RMDN2: variants seen among roughly 807,000 people sequenced by gnomAD.
RMDN2 encodes regulator of microtubule dynamics 2.
A neutral mutation model predicts 52.8 loss-of-function variants in RMDN2; 61 were observed. The ratio of observed to expected loss-of-function variants is 1.16; its 90% CI spans 0.94 to 1.43. The LOEUF (loss-of-function observed/expected upper bound fraction) is 1.43. Ranked by LOEUF, RMDN2 falls within the 40% of genes most tolerant of loss-of-function variation. The probability of loss-of-function intolerance (pLI) is 0.00; values close to 1 mark genes in which losing one functional copy is unlikely to be tolerated. For synonymous variants in RMDN2, 180 were observed against 153.1 expected (o/e 1.18, Z -1.30); for missense variants, 592 against 475.3 (o/e 1.25, Z -2.28).
intron 2 of RMDN2, chr2:37,950,500 C>T: frequency 1.9e-6 from 3 of 1,612,546 alleles, no homozygotes. Context: ...TGACCTGTTC[C>T]ACCTCTACAG....
rs1217144958 is a variant in RMDN2 at position 37,929,745 on chromosome 2, A to T, written c.452+16A>T. 1.4e-6 allele frequency: 2 copies of T among 1,453,422 alleles called. No individual in the cohort carries two copies. Among genetic ancestry groups the T allele is most frequent in the Admixed American group, 5.6e-5 (2 of 35,870 alleles). The allele number at this position is 1,453,422 out of a possible 1,614,324, so 90.0% of individuals were successfully genotyped here. A position where few individuals can be genotyped will look rare whatever the true frequency, so the allele number is the denominator to read the frequency against. On this transcript the variant is annotated intron_variant, in intron 2 of 10. Coordinates refer to ENST00000354545, the MANE Select transcript of RMDN2 (RefSeq NM_001170791.3). ...GTGAAGGAGGGTAAGTTTCTTTAAG[A>T]TATTTCCTATGTTGAATTGGTTATT... is the stretch of plus-strand genomic sequence containing the variant.
chr2:37,969,007 C>G (rs1234064516), intron 2 of RMDN2, among the ~76,000 whole-genome samples: 1 of 149,728 alleles, frequency 6.7e-6, no homozygotes, highest in Non-Finnish European at 1.5e-5. Context: ...GATCCCTGTT[C>G]AAAGTAGGAA....
At chr2:37,932,538 C>T (rs1368043090) in intron 2 of RMDN2, among the ~76,000 whole-genome samples, 1 of 151,538 alleles carries the variant, frequency 6.6e-6, no homozygotes, top group Non-Finnish European at 1.5e-5. Flanking sequence ...TCCACAAAAC[C>T]GCCATTGTCA....
intron 10 of RMDN2, among the ~76,000 whole-genome samples, chr2:38,011,141 G>T (rs1431184151): frequency 2.0e-5 from 3 of 152,172 alleles, no homozygotes; most frequent in Non-Finnish European, 4.4e-5. Flanking sequence ...GTGACCATGG[G>T]TTGCCATCCT....
At chr2:37,933,690 C>T (rs2124904436) in intron 2 of RMDN2, among the ~76,000 whole-genome samples, 1 of 152,242 alleles carries the variant, frequency 6.6e-6, no homozygotes, top group Non-Finnish European at 1.5e-5. Flanking sequence ...GAGAATCAGG[C>T]AGGGAGGTTG....
At chr2:38,042,287 T>G (rs2125290058) in intron 10 of RMDN2, among the ~76,000 whole-genome samples, 1 of 152,216 alleles carries the variant, frequency 6.6e-6, no homozygotes, top group East Asian at 1.9e-4. Flanking sequence ...CGATCAGTAC[T>G]GATAAACCCT....
intron 2 of RMDN2, among the ~76,000 whole-genome samples, chr2:37,942,881 A>G (rs749072451): frequency 6.6e-6 from 1 of 152,248 alleles, no homozygotes; most frequent in Non-Finnish European, 1.5e-5. Flanking sequence ...AAATCTAGCA[A>G]GATGGTAAAG....
At position 38,065,694 on chromosome 2, in the gene RMDN2, T is replaced by C. The variant is rs34547744; in HGVS notation, c.1714-1288T>C. 6.2e-3 allele frequency among the ~76,000 whole-genome samples: 941 copies of C among 152,324 alleles called. 11 individuals are homozygous for C. The highest frequency in any genetic ancestry group is 0.024 in the Middle Eastern group (7 of 294). ...ACTTAGGTGATGCATGGCTATCAGA[T>C]GGACAGGCCATGTCCCAGGAAACTG... On this transcript the variant is annotated intron_variant, in intron 10 of 10. Coordinates refer to the RMDN2 transcript ENST00000234195.
Position 37,945,105 on chromosome 2 carries a change from A to T in RMDN2, c.452+15376A>T, listed in dbSNP as rs180674720. Among the ~76,000 whole-genome samples, 169 of 152,338 alleles carry T rather than the reference A, an allele frequency of 1.1e-3. 2 individuals are homozygous for T. The highest frequency in any genetic ancestry group is 4.0e-3 in the African/African-American group (165 of 41,572). On this transcript the variant is annotated intron_variant, in intron 2 of 10. Coordinates refer to ENST00000354545, the MANE Select transcript of RMDN2 (RefSeq NM_001170791.3). ...GTATCTGGTGACATGGAAACTGACA[A>T]TATAAAGTAGCATTGCTGCCCCTAA...
intron 10 of RMDN2, among the ~76,000 whole-genome samples, chr2:38,065,755 A>C (rs9341271): frequency 6.6e-4 from 101 of 152,210 alleles, no homozygotes; most frequent in Non-Finnish European, 1.4e-3. Flanking sequence ...CCAACAAGGA[A>C]CCTTGGTCCA....
In RMDN2 at chr2:38,004,181, A is replaced by G. The variant is rs751571593; in HGVS notation, c.1144A>G (p.Asn382Asp). The change falls in exon 10 of 11, where the codon AAT becomes GAT. Residue 382 changes from asparagine (N) to aspartate (D), a missense_variant. By Grantham distance (23) the Asn-to-Asp change is conservative (BLOSUM62 1). Transcript: ENST00000354545. ...EENQNALKFC[N>D]LALLLPTVTK... ...AAACCAGAATGCTTTGAAGTTCTGT[A>G]ATTTGGCTTTATTGCTTCCTACTGT... 1.2e-6 allele frequency: 2 copies of G among 1,613,818 alleles called. No individual in the cohort carries two copies. The highest frequency in any genetic ancestry group is 1.7e-6 in the Non-Finnish European group (2 of 1,179,856).
At chr2:37,951,703 C>T in intron 2 of RMDN2, 1 of 1,612,572 alleles carries the variant, frequency 6.2e-7, no homozygotes, top group Non-Finnish European at 8.5e-7. Context: ...GAAATCTTTT[C>T]TAAAACTTCA....
chr2:38,040,398 G>C (rs144421301), intron 10 of RMDN2, among the ~76,000 whole-genome samples: 9 of 152,196 alleles, frequency 5.9e-5, no homozygotes, highest in Non-Finnish European at 1.2e-4. Flanking sequence ...AGTCATGAGG[G>C]TTCTACTGTC....
chr2:38,017,667 A>C lies in RMDN2; in HGVS notation c.*428A>C. On this transcript the variant is annotated 3_prime_UTR_variant, in exon 11 of 11. Transcript: ENST00000354545. ...AACAAGTTGTTGGCAGAAGAGGAAA[A>C]ACAAACAAATGTAGTATTGTAACTG... The C allele has an allele frequency of 1.4e-6, 1 of 738,118 alleles. No homozygotes were observed. The highest frequency in any genetic ancestry group is 2.0e-6 in the Non-Finnish European group (1 of 507,584). The allele number at this position is 738,118 out of a possible 1,614,324, so 45.7% of individuals were successfully genotyped here.
upstream of RMDN2, among the ~76,000 whole-genome samples, chr2:37,924,680 C>T (rs1666135761): frequency 6.6e-6 from 1 of 152,140 alleles, no homozygotes; most frequent in African/African-American, 2.4e-5. Context: ...TTTTTAAGAG[C>T]GTATTTAGCA....
intron 5 of RMDN2, among the ~76,000 whole-genome samples, 160 bp from the exon 6 acceptor site, chr2:37,989,381 T>A (rs565569860): frequency 1.3e-5 from 2 of 152,182 alleles, no homozygotes; most frequent in African/African-American, 4.8e-5. Context: ...CTCATGTTAA[T>A]GTCAAGTATT....
intron 10 of RMDN2, among the ~76,000 whole-genome samples, chr2:38,048,243 G>A (rs1348409131): frequency 6.6e-6 from 1 of 152,212 alleles, no homozygotes; most frequent in African/African-American, 2.4e-5. Context: ...CCTAAAGGTA[G>A]AGTGAAATGA....
At chr2:38,031,951 G>A (rs1558573605) in intron 10 of RMDN2, among the ~76,000 whole-genome samples, 1 of 152,108 alleles carries the variant, frequency 6.6e-6, no homozygotes, top group Non-Finnish European at 1.5e-5. Context: ...AAAGCAGATT[G>A]TGCACAACAA....
chr2:38,059,504 C>T lies in RMDN2; in HGVS notation c.1714-7478C>T, dbSNP rs986887274. Among the ~76,000 whole-genome samples, 4 of 152,110 alleles carry T rather than the reference C, an allele frequency of 2.6e-5. 1 individual carries two copies. Among genetic ancestry groups the T allele is most frequent in the Admixed American group, 2.0e-4 (3 of 15,274 alleles). On this transcript the variant is annotated intron_variant, in intron 10 of 10. Transcript: ENST00000234195. ...GAACTGGAGTGGGGACGGAGACAGA[C>T]AGTAAATCATCATCAAAATGTAAAG...
Sources: gnomAD v4.1 joint callset for allele counts (sites outside exome capture counted in the v4.1 genomes callset) on GRCh38, gnomAD v4.1.1 for gene constraint, MANE v1.5 for transcripts, NCBI Gene and HGNC (gene_info 2026-07-23, HGNC 2026-07-21) for gene names.